Variants in CPNE4 observed in about 807,000 individuals in gnomAD.
CPNE4 encodes the protein copine 4, also known as copine-4.
A neutral mutation model predicts 67.9 loss-of-function variants in CPNE4; 25 were observed. The ratio of observed to expected loss-of-function variants is 0.37; its 90% confidence interval spans 0.27 to 0.51. The LOEUF is 0.51. Ranked by LOEUF, CPNE4 falls within the 20% of genes least tolerant of loss-of-function variation. CPNE4 has a pLI of 0.93. For missense variants in CPNE4, 464 were observed against 690.8 expected (o/e 0.67, Z 3.68); for synonymous variants, 242 against 244.9 (o/e 0.99, Z 0.11).
intron 7 of CPNE4, among the ~76,000 whole-genome samples, chr3:131,652,268 T>G (rs1234939831): frequency 2.0e-5 from 3 of 152,190 alleles, no homozygotes; most frequent in Non-Finnish European, 4.4e-5. Flanking sequence ...TCTCTATCAG[T>G]TTAGTTCATA....
chr3:131,553,625 T>C (rs1936304983), intron 12 of CPNE4, among the ~76,000 whole-genome samples: 1 of 152,102 alleles, frequency 6.6e-6, no homozygotes, highest in Admixed American at 6.6e-5. Context: ...GATAATATAC[T>C]CTGTGCTGAC....
intron 1 of CPNE4, among the ~76,000 whole-genome samples, chr3:131,970,308 CAT>C (rs1316688958): frequency 6.6e-6 from 1 of 152,206 alleles, no homozygotes; most frequent in Non-Finnish European, 1.5e-5. Context: ...CAAAGCAAGA[CAT>C]GAGCTTTTCT....
intron 3 of CPNE4, among the ~76,000 whole-genome samples, chr3:131,703,053 G>T (rs898034515): frequency 3.3e-5 from 5 of 152,196 alleles, no homozygotes; most frequent in Admixed American, 1.3e-4. Context: ...TCTCAGGACA[G>T]TTGGGCAAAA....
chr3:131,963,204 TG>T (rs1657808451), intron 1 of CPNE4, among the ~76,000 whole-genome samples: 1 of 152,064 alleles, frequency 6.6e-6, no homozygotes, highest in Admixed American at 6.6e-5. Context: ...CTGTCCTATC[TG>T]TCCCAGATAC....
intron 7 of CPNE4, among the ~76,000 whole-genome samples, chr3:131,644,172 G>C (rs1028949226): frequency 6.6e-6 from 1 of 151,608 alleles, no homozygotes; most frequent in Non-Finnish European, 1.5e-5. Context: ...TTTTGAGATG[G>C]AGTCTCGCTC....
rs539109598 is a variant in CPNE4, at chr3:131,862,903, C to T, written c.180+42361G>A. The stretch of plus-strand genomic sequence containing the variant: ...GCCCCAGTGTGTGATGTTCCCCTTC[C>T]TGTGTCCATGTGTTCTCATTGTTCA... On this transcript the variant is annotated intron_variant, in intron 2 of 15. Coordinates refer to ENST00000429747, the MANE Select transcript of CPNE4 (RefSeq NM_130808.3). Among the ~76,000 whole-genome samples, 774 of 151,460 alleles carry T rather than the reference C, an allele frequency of 5.1e-3. 11 individuals carry two copies. The highest frequency in any genetic ancestry group is 0.018 in the African/African-American group (740 of 41,198).
chr3:131,968,584 A>C (rs2072419806), intron 1 of CPNE4, among the ~76,000 whole-genome samples: 1 of 152,186 alleles, frequency 6.6e-6, no homozygotes. Context: ...CATTTATGCG[A>C]CCAACAAACA....
intron 15 of CPNE4, among the ~76,000 whole-genome samples, chr3:131,536,014 A>G (rs937245043): frequency 6.6e-6 from 1 of 152,124 alleles, no homozygotes; most frequent in African/African-American, 2.4e-5. Flanking sequence ...ATACATAGAG[A>G]AGGGGTAGGG....
At chr3:131,923,386 T>C (rs755631971) in intron 1 of CPNE4, among the ~76,000 whole-genome samples, 3 of 152,114 alleles carry the variant, frequency 2.0e-5, no homozygotes, top group Non-Finnish European at 4.4e-5. Context: ...ATAAGGCCTG[T>C]GAGAGGCAGG....
chr3:131,768,568 CT>C, intron 2 of CPNE4, among the ~76,000 whole-genome samples: 1 of 152,226 alleles, frequency 6.6e-6, no homozygotes, highest in African/African-American at 2.4e-5. Flanking sequence ...TATGCAAAAA[CT>C]GCTTTAATCA....
At chr3:131,648,893 G>A (rs2079736930) in intron 7 of CPNE4, among the ~76,000 whole-genome samples, 1 of 152,082 alleles carries the variant, frequency 6.6e-6, no homozygotes, top group Admixed American at 6.5e-5. Context: ...TAAGTAGGTG[G>A]AAGAAAAGTC....
At chr3:131,678,782 A>G (rs2080652905) in intron 6 of CPNE4, among the ~76,000 whole-genome samples, 1 of 151,976 alleles carries the variant, frequency 6.6e-6, no homozygotes. Flanking sequence ...CCTGGGGATG[A>G]AGCCTCATGG....
At chr3:131,741,713 G>C (rs62279033) in intron 2 of CPNE4, among the ~76,000 whole-genome samples, 6 of 152,016 alleles carry the variant, frequency 3.9e-5, no homozygotes, top group Non-Finnish European at 7.4e-5. Context: ...GAGGTTTGGC[G>C]GGCAACTTTG....
In CPNE4 at chr3:131,615,194, C is replaced by T. The variant is rs564167575; in HGVS notation, c.682-27612G>A. 6.6e-5 allele frequency among the ~76,000 whole-genome samples: 10 copies of T among 152,220 alleles called. No homozygotes were observed. In the South Asian group the frequency reaches 1.7e-3, roughly 25 times the overall value. On this transcript the variant is annotated intron_variant, in intron 7 of 15. Transcript: ENST00000429747. ...TTAGATAAATATACAGTTTCCTTTC[C>T]CTCATATTTGCACTGTTTACCAAGA...
intron 7 of CPNE4, among the ~76,000 whole-genome samples, chr3:131,645,775 T>C (rs1413768072): frequency 6.6e-6 from 1 of 152,186 alleles, no homozygotes; most frequent in Non-Finnish European, 1.5e-5. Context: ...CTTTTTAGAC[T>C]TTCTCACTTC....
chr3:131,903,426 CAAACTT>C (rs927917123), intron 2 of CPNE4, among the ~76,000 whole-genome samples: 6 of 151,636 alleles, frequency 4.0e-5, no homozygotes, highest in African/African-American at 1.5e-4. Flanking sequence ...AAAAAACAGA[CAAACTT>C]AAAATCAGTC....
chr3:131,606,080 C>G (rs1393556), intron 7 of CPNE4, among the ~76,000 whole-genome samples: 20,413 of 152,104 alleles, frequency 0.13, 1,958 homozygotes, highest in African/African-American at 0.27. Context: ...AGGCAACCTT[C>G]CGTTGGATCC....
At chr3:131,738,950 G>T (rs978791348) in intron 2 of CPNE4, among the ~76,000 whole-genome samples, 3 of 151,366 alleles carry the variant, frequency 2.0e-5, no homozygotes, top group Non-Finnish European at 4.4e-5. Flanking sequence ...CTTCCTGCAG[G>T]GTCAAGCGAT....
chr3:131,694,392 T>C (rs527277407), intron 5 of CPNE4, among the ~76,000 whole-genome samples: 5 of 152,210 alleles, frequency 3.3e-5, no homozygotes, highest in Non-Finnish European at 4.4e-5. Context: ...TTTTATTCTA[T>C]TTCTATCACA....
Sources: allele counts gnomAD v4.1 joint callset (sites outside exome capture counted in the v4.1 genomes callset), GRCh38; gene constraint gnomAD v4.1.1; transcripts MANE v1.5; gene names NCBI Gene and HGNC (gene_info 2026-07-23, HGNC 2026-07-21).